The following EDAR variants were observed in gnomAD, a reference collection of about 807,000 sequenced individuals.
EDAR encodes the protein ectodysplasin A receptor, also known as tumor necrosis factor receptor superfamily member EDAR.
EDAR carries 38 observed loss-of-function variants against 51.3 expected under a neutral mutation model. That is an observed-to-expected ratio of 0.74 (90% CI 0.57 to 0.97). The LOEUF (loss-of-function observed/expected upper bound fraction) is 0.97, where lower values mean the gene tolerates loss of function less well. Ranked by LOEUF, EDAR falls within the 50% of genes least tolerant of loss-of-function variation. The probability of loss-of-function intolerance (pLI) is 0.00; values close to 1 mark genes in which losing one functional copy is unlikely to be tolerated. For synonymous variants in EDAR, 227 were observed against 242.1 expected (o/e 0.94, Z 0.58); for missense variants, 528 against 595.0 (o/e 0.89, Z 1.17).
intron 1 of EDAR, among the ~76,000 whole-genome samples, chr2:108,978,342 C>T (rs1407485506): frequency 6.6e-6 from 1 of 152,182 alleles, no homozygotes; most frequent in Non-Finnish European, 1.5e-5. Flanking sequence ...TAATCACCAT[C>T]TTATTAGGTG....
At chr2:108,934,657 C>T (rs1574389561) in intron 1 of EDAR, among the ~76,000 whole-genome samples, 1 of 152,134 alleles carries the variant, frequency 6.6e-6, no homozygotes, top group African/African-American at 2.4e-5. Flanking sequence ...TGGCAGAGGG[C>T]ATCACATGGT....
chr2:108,936,370 G>T (rs953864500), intron 1 of EDAR, among the ~76,000 whole-genome samples: 2 of 152,242 alleles, frequency 1.3e-5, no homozygotes, highest in African/African-American at 4.8e-5. Context: ...GACAGGGAGG[G>T]GAGAGGCTGT....
chr2:108,899,674 T>G (rs1157095156), intron 11 of EDAR, among the ~76,000 whole-genome samples: 2 of 152,162 alleles, frequency 1.3e-5, no homozygotes, highest in Admixed American at 6.6e-5. Context: ...TTATACTTCA[T>G]TCAAACTGGC....
At chr2:108,978,682 C>T (rs1574415614) in intron 1 of EDAR, among the ~76,000 whole-genome samples, 1 of 152,222 alleles carries the variant, frequency 6.6e-6, no homozygotes, top group Middle Eastern at 3.4e-3. Flanking sequence ...GAAGTTTGGT[C>T]AGAGGAAACA....
chr2:108,954,975 G>C (rs1435562277), intron 1 of EDAR, among the ~76,000 whole-genome samples: 3 of 152,082 alleles, frequency 2.0e-5, no homozygotes, highest in Non-Finnish European at 4.4e-5. Context: ...TGAGCCACCA[G>C]ACCTGGCCGG....
Position 108,932,789 on chromosome 2 carries a change from C to T in EDAR, c.-18-1757G>A, listed in dbSNP as rs548673422. Among the ~76,000 whole-genome samples, 19 of 152,222 alleles carry T rather than the reference C, an allele frequency of 1.2e-4. No individual in the cohort carries two copies. The South Asian group carries it at 1.5e-3, about 12-fold the overall frequency. The stretch of plus-strand genomic sequence containing the variant: ...ACATATGTGTTTTTAACACATAAAC[C>T]GTGGGGAAAACATTCAAACCATAGC... On this transcript the variant is annotated intron_variant, in intron 1 of 11. Coordinates refer to ENST00000258443, the MANE Select transcript of EDAR (RefSeq NM_022336.4).
chr2:108,947,300 T>G (rs1326335686), intron 1 of EDAR, among the ~76,000 whole-genome samples: 2 of 152,194 alleles, frequency 1.3e-5, no homozygotes, highest in African/African-American at 4.8e-5. Flanking sequence ...TGTAACTGCT[T>G]TCATGGGCTG....
intron 1 of EDAR, among the ~76,000 whole-genome samples, chr2:108,978,935 T>C (rs1283993730): frequency 6.6e-6 from 1 of 152,174 alleles, no homozygotes. Context: ...ATTTGAAAGC[T>C]TTCCAAAAGG....
At chr2:108,905,936 T>C (rs780802811) in intron 11 of EDAR, among the ~76,000 whole-genome samples, 1 of 152,046 alleles carries the variant, frequency 6.6e-6, no homozygotes, top group Non-Finnish European at 1.5e-5. Context: ...AAGTCTAGGA[T>C]AAATGACTGA....
chr2:108,900,241 C>T (rs936980653), intron 11 of EDAR, among the ~76,000 whole-genome samples: 12 of 152,256 alleles, frequency 7.9e-5, no homozygotes, highest in African/African-American at 2.6e-4. Context: ...ACAATGACTA[C>T]ATTTAATGTA....
At chr2:108,968,519 A>G (rs1284130923) in intron 1 of EDAR, among the ~76,000 whole-genome samples, 1 of 152,168 alleles carries the variant, frequency 6.6e-6, no homozygotes, top group Non-Finnish European at 1.5e-5. Flanking sequence ...CTTGTTGAGA[A>G]TTGGAGCAGA....
At position 108,903,868 on chromosome 2, in the gene EDAR, C is replaced by A. The variant is rs563457022; in HGVS notation, c.1024+2440G>T. ...TCTAGAAAAAATTGTGGGAGCAAAT[C>A]TCTGGGATCTAGGACTAGGCAAGAG... On this transcript the variant is annotated intron_variant, in intron 11 of 11. Transcript: ENST00000258443. 4.7e-4 allele frequency among the ~76,000 whole-genome samples: 71 copies of A among 152,224 alleles called. 1 individual carries two copies. The highest frequency in any genetic ancestry group is 1.6e-3 in the African/African-American group (68 of 41,544).
rs373163180 is a variant in EDAR at position 108,910,930 on chromosome 2, C to A, written c.655+17G>T. ...GAGAGTCCAGGAAGCAGGGCACCGGCGCATGGGGGCCGTCACCTGGGGCAG... is the reference window on the plus strand; with the variant it reads ...GAGAGTCCAGGAAGCAGGGCACCGGAGCATGGGGGCCGTCACCTGGGGCAG... On this transcript the variant is annotated intron_variant, in intron 7 of 11. Transcript: ENST00000258443. The A allele has an allele frequency of 3.1e-6, 5 of 1,613,922 alleles. No individual in the cohort carries two copies. The African/African-American group carries it at 5.3e-5, about 17-fold the overall frequency.
intron 1 of EDAR, among the ~76,000 whole-genome samples, chr2:108,979,706 G>A (rs1033869302): frequency 1.3e-5 from 2 of 152,092 alleles, no homozygotes; most frequent in African/African-American, 4.8e-5. Context: ...CAGAGGAGAG[G>A]AGGGCTTGAG....
At chr2:108,944,724 C>A (rs986166577) in intron 1 of EDAR, among the ~76,000 whole-genome samples, 17 of 152,120 alleles carry the variant, frequency 1.1e-4, no homozygotes, top group African/African-American at 3.6e-4. Context: ...GCTGCAGCAC[C>A]CCCACCGTGC....
At chr2:108,971,065 G>A (rs1052335831) in intron 1 of EDAR, among the ~76,000 whole-genome samples, 1 of 152,068 alleles carries the variant, frequency 6.6e-6, no homozygotes. Flanking sequence ...CACAGGGTCC[G>A]GCGAGACCGT....
In EDAR at chr2:108,906,342, G is replaced by A. The variant is rs751322328; in HGVS notation, c.990C>T (p.Leu330=). 5.6e-6 allele frequency: 9 copies of A among 1,614,064 alleles called. No individual in the cohort carries two copies. The highest frequency in any genetic ancestry group is 2.7e-5 in the African/African-American group (2 of 75,000). Residue 330 remains leucine (L), a synonymous_variant, in exon 11 of 12, where the codon CTC becomes CTT. Coordinates refer to ENST00000258443, the MANE Select transcript of EDAR (RefSeq NM_022336.4). ...CTCCACACACGTTGGCATACACATC[G>A]AGGATCTTTTTCCTCCGGCTTTGAA... ...AGIQSRRKKI[L]DVYANVCGVV...
intron 2 of EDAR, among the ~76,000 whole-genome samples, chr2:108,930,524 A>C (rs895997978): frequency 6.6e-6 from 1 of 152,114 alleles, no homozygotes; most frequent in African/African-American, 2.4e-5. Flanking sequence ...AGTTCTCCTC[A>C]TCAACGCACT....
chr2:108,915,717 T>C (rs1697014326), intron 5 of EDAR, among the ~76,000 whole-genome samples: 1 of 151,792 alleles, frequency 6.6e-6, no homozygotes, highest in African/African-American at 2.4e-5. Flanking sequence ...GCCAACATGG[T>C]GAAACCCCAA....
Sources: gnomAD v4.1 joint callset for allele counts (sites outside exome capture counted in the v4.1 genomes callset) on GRCh38, gnomAD v4.1.1 for gene constraint, MANE v1.5 for transcripts, NCBI Gene and HGNC (gene_info 2026-07-23, HGNC 2026-07-21) for gene names.